UNC13A: variants seen among roughly 807,000 people sequenced by gnomAD.
UNC13A encodes unc-13 homolog A.
In UNC13A, 61 loss-of-function variants were observed where a neutral mutation model predicts 219.7. The observed-to-expected ratio is 0.28, with a 90% CI of 0.23 to 0.34. The LOEUF (loss-of-function observed/expected upper bound fraction) is 0.34. Among genes scored for constraint, UNC13A ranks in the 10% least tolerant of loss-of-function variants. The pLI, the probability that UNC13A is intolerant of heterozygous loss-of-function variation, is 1.00. For synonymous variants in UNC13A, 920 were observed against 884.6 expected, an observed-to-expected ratio of 1.04 and a Z score of -0.71; for missense variants, 1,476 against 2,270.3, an observed-to-expected ratio of 0.65 and a Z score of 7.11.
chr19:17,676,235 G>C, intron 1 of UNC13A, 194 bp from the exon 2 acceptor site: 5 of 703,680 alleles, frequency 7.1e-6, no homozygotes, highest in South Asian at 6.0e-5. Flanking sequence ...CAGAGACAGA[G>C]ACAAGGGGAG....
chr19:17,617,317 T>C (rs1357350471), intron 41 of UNC13A, among the ~76,000 whole-genome samples: 2 of 152,190 alleles, frequency 1.3e-5, no homozygotes, highest in African/African-American at 4.8e-5. Context: ...CAATCATTCA[T>C]TGGCCCTGGG....
Position 17,611,822 on chromosome 19 carries a change from G to C in UNC13A, c.4592C>G (p.Ser1531Cys), listed in dbSNP as rs985406168. 14 of 1,614,032 alleles carry C rather than the reference G, an allele frequency of 8.7e-6. No homozygotes were observed. The highest frequency in any genetic ancestry group is 1.3e-5 in the African/African-American group (1 of 74,942). ...LGVEDPVGEV[S>C]VHVELFTHPG... ...ATGAGTGAACAGCTCAACATGGACA[G>C]AGACTTCACCCACAGGGTCTTCTAC... The change falls in exon 42 of 44, where the codon TCT becomes TGT. Residue 1531 changes from serine to cysteine, a missense_variant. By Grantham distance (112) the Ser-to-Cys change is moderately radical (BLOSUM62 -1). Coordinates refer to ENST00000519716, the MANE Select transcript of UNC13A (RefSeq NM_001080421.3).
chr19:17,631,847 C>T (rs2076858885), intron 28 of UNC13A, among the ~76,000 whole-genome samples: 1 of 152,200 alleles, frequency 6.6e-6, no homozygotes, highest in Admixed American at 6.5e-5. Flanking sequence ...TGAGTTCAAG[C>T]GATCCTCCTG....
rs1457313392 is a variant in UNC13A at position 17,602,048 on chromosome 19, G to A, written c.*4006C>T. ...AAAGGCTCTGAGATCCCAGCCGAGA[G>A]AGGTCCCAAGGATTTCTAGTTGGGT... On this transcript the variant is annotated 3_prime_UTR_variant, in exon 44 of 44. Transcript: ENST00000519716. 1 of 152,628 alleles carries A rather than the reference G, an allele frequency of 6.6e-6. No individual in the cohort carries two copies. The highest frequency in any genetic ancestry group is 1.5e-5 in the Non-Finnish European group (1 of 68,096). The allele number at this position is 152,628 out of a possible 1,614,324, so 9.5% of individuals were successfully genotyped here. A position where few individuals can be genotyped will look rare whatever the true frequency, so the allele number is the denominator to read the frequency against.
At chr19:17,631,095 C>CCTTCCTT (rs1292364606) in intron 28 of UNC13A, among the ~76,000 whole-genome samples, 5 of 132,858 alleles carry the variant, frequency 3.8e-5, no homozygotes, top group Admixed American at 3.0e-4. Context: ...TTCCTTCCTT[C>CCTTCCTT]CTTCCTTCTT....
chr19:17,607,898 G>A (rs1431575278), intron 43 of UNC13A, among the ~76,000 whole-genome samples: 1 of 31,424 alleles, frequency 3.2e-5, no homozygotes, highest in African/African-American at 1.4e-4. Context: ...TTTTTTTTTT[G>A]AGGCAGAGTC....
chr19:17,649,341 T>C lies in UNC13A; in HGVS notation c.1522A>G (p.Met508Val). The change falls in exon 14 of 44, where the codon ATG (methionine) becomes GTG (valine). Residue 508 changes from methionine to valine, a missense_variant and splice_region_variant. Physicochemically the swap from Met to Val is conservative, Grantham distance 21. Coordinates refer to ENST00000519716, the MANE Select transcript of UNC13A (RefSeq NM_001080421.3). This position sits in a 1 kb window ranked among gnomAD's most constrained non-coding sequence, Gnocchi z 4.4. ...KPIPLVSDLA[M>V]SLVQSRKAGI... is the part of the protein sequence containing the mutation. ...AGGCCCATGTCGCCATCACTCACCA[T>C]GGCCTGAAGTGTCCACGCAGCACAT... The C allele has an allele frequency of 4.4e-6, 7 of 1,591,614 alleles. No individual in the cohort carries two copies. Among genetic ancestry groups the C allele is most frequent in the Non-Finnish European group, 3.4e-6 (4 of 1,173,104 alleles).
chr19:17,633,984 T>C (rs1018713041), intron 26 of UNC13A, among the ~76,000 whole-genome samples: 1 of 151,506 alleles, frequency 6.6e-6, no homozygotes, highest in Non-Finnish European at 1.5e-5. Context: ...CATCTATCCA[T>C]CCATCCCTCC....
intron 19 of UNC13A, among the ~76,000 whole-genome samples, chr19:17,645,361 C>A (rs1399692330): frequency 5.3e-5 from 8 of 152,106 alleles, no homozygotes; most frequent in Non-Finnish European, 1.5e-5. Context: ...GTTCCTAGGT[C>A]TCTGTCTCTC....
intron 38 of UNC13A, 64 bp downstream of exon 38, chr19:17,620,629 G>C: frequency 6.9e-7 from 1 of 1,459,686 alleles, no homozygotes; most frequent in Non-Finnish European, 9.3e-7. Flanking sequence ...GTGGAAGGGG[G>C]CACAGGGGTG....
intron 12 of UNC13A, 110 bp downstream of exon 12, chr19:17,652,519 CCT>C (rs1028930461): frequency 6.2e-5 from 84 of 1,357,080 alleles, no homozygotes; most frequent in African/African-American, 1.0e-4. Context: ...CAATCTGTCC[CCT>C]GTCTAAATGG....
intron 8 of UNC13A, among the ~76,000 whole-genome samples, chr19:17,662,602 G>C (rs2079569467): frequency 6.6e-6 from 1 of 152,124 alleles, no homozygotes; most frequent in Non-Finnish European, 1.5e-5. Flanking sequence ...AAAAGGTTGG[G>C]AACCGCTGTT....
At chr19:17,647,587 G>C in intron 16 of UNC13A, 95 bp from the exon 17 acceptor site, 1 of 1,243,356 alleles carries the variant, frequency 8.0e-7, no homozygotes, top group South Asian at 1.4e-5. Flanking sequence ...CAACCGGGGG[G>C]ACTCAGGTGT....
rs2076489367 is a variant in UNC13A at position 17,603,560 on chromosome 19, C to T, written c.*2494G>A. 6.6e-6 allele frequency: 1 copy of T among 152,240 alleles called. No individual in the cohort carries two copies. Among genetic ancestry groups the T allele is most frequent in the Admixed American group, 6.5e-5 (1 of 15,280 alleles). The allele number at this position is 152,240 out of a possible 1,614,324, so 9.4% of individuals were successfully genotyped here. On this transcript the variant is annotated 3_prime_UTR_variant, in exon 44 of 44. Transcript: ENST00000519716. ...CATTTTAACCTTTGGTTCAGAACCT[C>T]CAGTTACCTGCACCTGTCTGAATTT...
intron 12 of UNC13A, among the ~76,000 whole-genome samples, chr19:17,651,628 A>G (rs558560431): frequency 2.0e-5 from 3 of 152,302 alleles, no homozygotes; most frequent in Non-Finnish European, 4.4e-5. Flanking sequence ...GCAGGAGCCA[A>G]CTGAGGCTTA....
At chr19:17,619,000 T>A in intron 38 of UNC13A, 38 bp from the exon 39 acceptor site, 1 of 1,601,474 alleles carries the variant, frequency 6.2e-7, no homozygotes, top group Non-Finnish European at 8.6e-7. Context: ...AGGGCAGGGG[T>A]GCTACAGCTG....
At chr19:17,620,170 G>A (rs138525658) in intron 38 of UNC13A, among the ~76,000 whole-genome samples, 1 of 152,242 alleles carries the variant, frequency 6.6e-6, no homozygotes, top group Non-Finnish European at 1.5e-5. Context: ...ATGGTAACTT[G>A]GGGGACAGGG....
chr19:17,608,265 A>ATATACAATATATAATATATGAAATATATT, intron 43 of UNC13A, among the ~76,000 whole-genome samples: 1 of 140,382 alleles, frequency 7.1e-6, no homozygotes, highest in African/African-American at 2.6e-5. Flanking sequence ...TGAAATATAT[A>ATATACAATATATAATATATGAAATATATT]ATATATATAC....
Position 17,647,248 on chromosome 19 carries a change from G to A in UNC13A, c.2044+17C>T, listed in dbSNP as rs758646536. On this transcript the variant is annotated intron_variant, in intron 17 of 43. Coordinates refer to ENST00000519716, the MANE Select transcript of UNC13A (RefSeq NM_001080421.3). The stretch of plus-strand genomic sequence containing the variant: ...GGTGGAGAAGGAGGGGCCCTATGGC[G>A]GCCCACGCCCCCTCACCGGTGATGC... 6.4e-7 allele frequency: 1 copy of A among 1,551,498 alleles called. No homozygotes were observed. Among genetic ancestry groups the A allele is most frequent in the East Asian group, 2.4e-5 (1 of 41,310 alleles).
Sources: allele counts gnomAD v4.1 joint callset (sites outside exome capture counted in the v4.1 genomes callset), GRCh38; gene constraint gnomAD v4.1.1; non-coding constraint Gnocchi (gnomAD v3.1); transcripts MANE v1.5; gene names NCBI Gene and HGNC (gene_info 2026-07-23, HGNC 2026-07-21).